Variants in NEK7 observed in about 807,000 individuals in gnomAD.
The protein encoded by NEK7 is NIMA related kinase 7.
In NEK7, 18 loss-of-function variants were observed where a neutral mutation model predicts 44.6. That is an observed-to-expected ratio of 0.40 (90% CI 0.28 to 0.60). The LOEUF is 0.60. Ranked by LOEUF, NEK7 falls within the 20% of genes least tolerant of loss-of-function variation. The pLI, the probability that NEK7 is intolerant of heterozygous loss-of-function variation, is 0.38. For synonymous variants in NEK7, 130 were observed against 121.1 expected (o/e 1.07, Z -0.48); for missense variants, 256 against 366.5 (o/e 0.70, Z 2.46).
chr1:198,312,114 G>A (rs1193880426), intron 9 of NEK7, among the ~76,000 whole-genome samples: 1 of 152,142 alleles, frequency 6.6e-6, no homozygotes, highest in Non-Finnish European at 1.5e-5. Context: ...CACAATTTCA[G>A]CTCCTGTTAT....
chr1:198,191,254 G>A (rs1665064241), intron 1 of NEK7, among the ~76,000 whole-genome samples: 1 of 151,934 alleles, frequency 6.6e-6, no homozygotes, highest in African/African-American at 2.4e-5. Flanking sequence ...TGGGTTGTAG[G>A]GATGTTGTCC....
chr1:198,243,584 A>G (rs987134544), intron 2 of NEK7, among the ~76,000 whole-genome samples: 3 of 152,308 alleles, frequency 2.0e-5, no homozygotes, highest in Admixed American at 1.3e-4. Flanking sequence ...TGTAGTAATT[A>G]TTATGCTGGT....
intron 1 of NEK7, among the ~76,000 whole-genome samples, chr1:198,162,669 C>T (rs1664143755): frequency 6.6e-6 from 1 of 152,086 alleles, no homozygotes; most frequent in Admixed American, 6.5e-5. Context: ...TCTGCCTTGG[C>T]CCAGTTTTGT....
At chr1:198,232,699 A>C in intron 2 of NEK7, 62 bp downstream of exon 2, 1 of 940,250 alleles carries the variant, frequency 1.1e-6, no homozygotes. Context: ...ATGTGTAAGA[A>C]AGTAGTACAT....
At chr1:198,180,043 CTT>C (rs1213660653) in intron 1 of NEK7, among the ~76,000 whole-genome samples, 1 of 152,056 alleles carries the variant, frequency 6.6e-6, no homozygotes, top group African/African-American at 2.4e-5. Flanking sequence ...TCTGTGGAAA[CTT>C]TTTGAAAAGT....
At chr1:198,192,707 A>G (rs1396353230) in intron 1 of NEK7, among the ~76,000 whole-genome samples, 5 of 152,200 alleles carry the variant, frequency 3.3e-5, no homozygotes. Flanking sequence ...CTGCTCCTGA[A>G]TGACTCCTGG....
chr1:198,225,579 C>G (rs1227677210), intron 1 of NEK7, among the ~76,000 whole-genome samples: 1 of 152,140 alleles, frequency 6.6e-6, no homozygotes, highest in Non-Finnish European at 1.5e-5. Flanking sequence ...CAATACCTCT[C>G]TCATATCAAA....
At chr1:198,295,321 G>T (rs1031576249) in intron 8 of NEK7, among the ~76,000 whole-genome samples, 1 of 152,116 alleles carries the variant, frequency 6.6e-6, no homozygotes. Flanking sequence ...CAGACAGTGG[G>T]CTTTCGTCCC....
chr1:198,166,791 G>C (rs1312246968), intron 1 of NEK7, among the ~76,000 whole-genome samples: 2 of 152,176 alleles, frequency 1.3e-5, no homozygotes, highest in African/African-American at 2.4e-5. Flanking sequence ...GACATAGTTT[G>C]AATTATTGCA....
intron 1 of NEK7, among the ~76,000 whole-genome samples, chr1:198,186,870 A>G (rs996928298): frequency 1.1e-4 from 16 of 152,314 alleles, no homozygotes; most frequent in Non-Finnish European, 1.5e-4. Context: ...GTACTAGTAG[A>G]TATTATTTCA....
intron 2 of NEK7, among the ~76,000 whole-genome samples, chr1:198,245,859 A>G (rs1666821468): frequency 1.3e-5 from 2 of 152,102 alleles, no homozygotes; most frequent in Admixed American, 1.3e-4. Flanking sequence ...CCAAATTAAG[A>G]ACAGCGAAAC....
chr1:198,170,477 C>A (rs1489828753), intron 1 of NEK7, among the ~76,000 whole-genome samples: 1 of 152,158 alleles, frequency 6.6e-6, no homozygotes, highest in African/African-American at 2.4e-5. Flanking sequence ...CTTAAATTTC[C>A]TTTCCTTAGA....
chr1:198,198,645 C>G (rs778866233), intron 1 of NEK7, among the ~76,000 whole-genome samples: 3 of 152,076 alleles, frequency 2.0e-5, no homozygotes, highest in Non-Finnish European at 4.4e-5. Flanking sequence ...AATTTGTTGC[C>G]CTGATAATTA....
chr1:198,234,264 C>T (rs1666484590), intron 2 of NEK7, among the ~76,000 whole-genome samples: 1 of 151,668 alleles, frequency 6.6e-6, no homozygotes, highest in African/African-American at 2.4e-5. Context: ...AGTAAAAAGA[C>T]CCTTTAGCTT....
intron 3 of NEK7, among the ~76,000 whole-genome samples, chr1:198,262,164 C>T (rs976573556): frequency 9.9e-5 from 15 of 151,816 alleles, no homozygotes; most frequent in Non-Finnish European, 2.9e-5. Flanking sequence ...TTGTCATTCT[C>T]CTTAGCTTTC....
At chr1:198,163,815 C>T (rs1664180391) in intron 1 of NEK7, among the ~76,000 whole-genome samples, 1 of 152,164 alleles carries the variant, frequency 6.6e-6, no homozygotes. Context: ...TCAGTGAAAA[C>T]TGACATTTTT....
At chr1:198,253,898 T>G (rs147604201) in intron 3 of NEK7, among the ~76,000 whole-genome samples, 203 of 152,284 alleles carry the variant, frequency 1.3e-3, no homozygotes, top group Non-Finnish European at 2.5e-3. Flanking sequence ...AAAGTACTTG[T>G]CTTTCTGCCT....
intron 9 of NEK7, among the ~76,000 whole-genome samples, chr1:198,302,735 T>G (rs1478283248): frequency 6.6e-6 from 1 of 152,200 alleles, no homozygotes; most frequent in Non-Finnish European, 1.5e-5. Flanking sequence ...AAATCACATT[T>G]TCTTTAATGC....
chr1:198,307,689 G>A (rs1655056940), intron 9 of NEK7, among the ~76,000 whole-genome samples: 1 of 152,084 alleles, frequency 6.6e-6, no homozygotes, highest in Non-Finnish European at 1.5e-5. Context: ...ATAAAACTCA[G>A]ACCAATCTCT....
Sources: allele counts gnomAD v4.1 joint callset (sites outside exome capture counted in the v4.1 genomes callset), GRCh38; gene constraint gnomAD v4.1.1; transcripts MANE v1.5; gene names NCBI Gene and HGNC (gene_info 2026-07-23, HGNC 2026-07-21).